Variants in UTP15 observed in about 807,000 individuals in gnomAD.
UTP15 encodes U3 small nucleolar RNA-associated protein 15 homolog.
In UTP15, 5 loss-of-function variants were observed where a neutral mutation model predicts 59.1. The observed-to-expected ratio is 0.08, with a 90% CI of 0.04 to 0.18. The LOEUF (loss-of-function observed/expected upper bound fraction) is 0.18, where lower values mean the gene tolerates loss of function less well. UTP15 is among the 10% of genes least tolerant of loss of function. UTP15 has a pLI of 1.00. For synonymous variants in UTP15, 211 were observed against 212.2 expected, an observed-to-expected ratio of 0.99 and a Z score of 0.05; for missense variants, 494 against 616.7, an observed-to-expected ratio of 0.80 and a Z score of 2.11.
At chr5:73,576,133 C>T (rs1748082861) in intron 7 of UTP15, among the ~76,000 whole-genome samples, 1 of 147,282 alleles carries the variant, frequency 6.8e-6, no homozygotes, top group African/African-American at 2.5e-5. Context: ...GAAACAGAGT[C>T]TTACTCTGTG....
At chr5:73,567,674 A>C (rs1055799837) in intron 2 of UTP15, 12 of 300,234 alleles carry the variant, frequency 4.0e-5, no homozygotes, top group Non-Finnish European at 7.3e-5. Context: ...AATCAATGCC[A>C]AATGAATTAA....
chr5:73,575,448 A>G (rs1161419081), intron 7 of UTP15, among the ~76,000 whole-genome samples: 3 of 152,236 alleles, frequency 2.0e-5, no homozygotes, highest in Non-Finnish European at 1.5e-5. Flanking sequence ...ACATCCTACA[A>G]TGCACAGAAC....
Position 73,583,294 on chromosome 5 carries a change from G to A in UTP15, c.*3200G>A, listed in dbSNP as rs539297621. 2 of 152,290 alleles carry A rather than the reference G, an allele frequency of 1.3e-5. No homozygotes were observed. Among genetic ancestry groups the A allele is most frequent in the East Asian group, 1.9e-4 (1 of 5,186 alleles). 9.4% of individuals were successfully genotyped at this position (152,290 alleles called of 1,614,324 possible). A position where few individuals can be genotyped will look rare whatever the true frequency, so the allele number is the denominator to read the frequency against. On this transcript the variant is annotated 3_prime_UTR_variant, in exon 13 of 13. Coordinates refer to ENST00000296792, the MANE Select transcript of UTP15 (RefSeq NM_032175.4). ...GGAATGCTATGTCTAGGTCATCAGCGGAGAAAGTTGGTTTGTAGAGAATGA... is the reference window on the plus strand; with the variant it reads ...GGAATGCTATGTCTAGGTCATCAGCAGAGAAAGTTGGTTTGTAGAGAATGA...
intron 9 of UTP15, 131 bp from the exon 10 acceptor site, chr5:73,578,620 A>C (rs113141150): frequency 1.6e-5 from 12 of 730,830 alleles, no homozygotes; most frequent in African/African-American, 1.4e-4. Flanking sequence ...TATTTAATCT[A>C]CATTATGGGC....
intron 7 of UTP15, among the ~76,000 whole-genome samples, chr5:73,572,893 G>A (rs540271995): frequency 6.6e-6 from 1 of 152,164 alleles, no homozygotes; most frequent in Non-Finnish European, 1.5e-5. Context: ...CGCCTCCCAG[G>A]TTCAAGTGGT....
chr5:73,572,517 G>T lies in UTP15; in HGVS notation c.702G>T (p.Met234Ile), dbSNP rs1747960982. The T allele has an allele frequency of 6.2e-7, 1 of 1,614,044 alleles. No homozygotes were observed. Among genetic ancestry groups the T allele is most frequent in the Non-Finnish European group, 8.5e-7 (1 of 1,180,022 alleles). The change falls in exon 7 of 13, where the codon ATG becomes ATT. Residue 234 changes from methionine to isoleucine, a missense_variant. By Grantham distance (10) the Met-to-Ile change is conservative. Coordinates refer to ENST00000296792, the MANE Select transcript of UTP15 (RefSeq NM_032175.4). The part of the protein sequence containing the change: ...AGGRYVKVWD[M>I]LKGGQLLVSL... The stretch of plus-strand genomic sequence containing the variant: ...GTCGTTATGTTAAAGTCTGGGACAT[G>T]TTAAAAGGAGGACAATTGCTAGTAT...
intron 2 of UTP15, among the ~76,000 whole-genome samples, chr5:73,567,986 A>G (rs1747830792): frequency 6.6e-6 from 1 of 152,200 alleles, no homozygotes; most frequent in African/African-American, 2.4e-5. Flanking sequence ...GGTAGAAATC[A>G]CAGTAAACTC....
chr5:73,566,033 C>T (rs1452749813), intron 1 of UTP15, 121 bp downstream of exon 1: 1 of 353,242 alleles, frequency 2.8e-6, no homozygotes, highest in East Asian at 7.6e-5. Context: ...ATTCTTTAAC[C>T]GGCTCAAGTT....
intron 9 of UTP15, 48 bp downstream of exon 9, chr5:73,578,053 G>A: frequency 6.4e-7 from 1 of 1,559,550 alleles, no homozygotes; most frequent in Non-Finnish European, 8.6e-7. Context: ...ATTTGTTAGA[G>A]TAGCCAGCTT....
chr5:73,578,121 T>G, intron 9 of UTP15, 116 bp downstream of exon 9: 1 of 1,063,320 alleles, frequency 9.4e-7, no homozygotes, highest in Non-Finnish European at 1.4e-6. Context: ...TGCTTTTCTC[T>G]ACATCAGAAT....
At chr5:73,568,207 T>A in intron 2 of UTP15, 28 bp from the exon 3 acceptor site, 1 of 1,535,726 alleles carries the variant, frequency 6.5e-7, no homozygotes, top group Non-Finnish European at 8.9e-7. Context: ...GTGGTAACTC[T>A]GTTAACACAC....
chr5:73,572,847 G>T (rs1747974405), intron 7 of UTP15, among the ~76,000 whole-genome samples: 1 of 151,960 alleles, frequency 6.6e-6, no homozygotes. Context: ...ACCTAGGCTG[G>T]AGTGCAGTGG....
At chr5:73,576,066 T>C (rs13170047) in intron 7 of UTP15, among the ~76,000 whole-genome samples, 1 of 151,434 alleles carries the variant, frequency 6.6e-6, no homozygotes, top group African/African-American at 2.4e-5. Flanking sequence ...CAGATGACAG[T>C]GGCTCATGGT....
At position 73,567,293 on chromosome 5, in the gene UTP15, A is replaced by C; in HGVS notation, c.-52A>C. The C allele has an allele frequency of 6.3e-6, 8 of 1,278,750 alleles. No individual in the cohort carries two copies. Among genetic ancestry groups the C allele is most frequent in the Non-Finnish European group, 8.8e-6 (8 of 910,770 alleles). 79.2% of individuals were successfully genotyped at this position (1,278,750 alleles called of 1,614,324 possible). A position where few individuals can be genotyped will look rare whatever the true frequency, so the allele number is the denominator to read the frequency against. ...GGCAGAGTCACTGTAATTATTTCTA[A>C]TACCAATTCCAAAATAGTGACTCTT... On this transcript the variant is annotated 5_prime_UTR_variant, in exon 2 of 13. Coordinates refer to ENST00000296792, the MANE Select transcript of UTP15 (RefSeq NM_032175.4).
chr5:73,570,174 T>G (rs1747891307), intron 5 of UTP15, among the ~76,000 whole-genome samples: 1 of 152,200 alleles, frequency 6.6e-6, no homozygotes, highest in Non-Finnish European at 1.5e-5. Flanking sequence ...TTTTGTTGAT[T>G]GTTCATGTCT....
chr5:73,574,108 AG>A (rs1275187244), intron 7 of UTP15, among the ~76,000 whole-genome samples: 3 of 151,996 alleles, frequency 2.0e-5, no homozygotes, highest in Non-Finnish European at 4.4e-5. Context: ...GGATCACTTG[AG>A]GCCAGGAGTT....
At position 73,580,375 on chromosome 5, in the gene UTP15, G is replaced by A. The variant is rs531792578; in HGVS notation, c.*281G>A. On this transcript the variant is annotated 3_prime_UTR_variant, in exon 13 of 13. Transcript: ENST00000296792. Reference sequence around the variant, plus strand: ...GATGGATATTAATTTTAATACAGGAGTGTTCTGTATCAACATTTGGGTTGG... The same window carrying A: ...GATGGATATTAATTTTAATACAGGAATGTTCTGTATCAACATTTGGGTTGG... 12 of 275,336 alleles carry A rather than the reference G, an allele frequency of 4.4e-5. No individual in the cohort carries two copies. The East Asian group carries it at 1.0e-3, about 23-fold the overall frequency. The allele number at this position is 275,336 out of a possible 1,614,324, so 17.1% of individuals were successfully genotyped here.
intron 1 of UTP15, among the ~76,000 whole-genome samples, chr5:73,566,859 A>T (rs1369980653): frequency 6.6e-6 from 1 of 152,230 alleles, no homozygotes; most frequent in East Asian, 1.9e-4. Context: ...CAAATCCGTA[A>T]CTATAATTGT....
Position 73,579,329 on chromosome 5 carries a change from G to A in UTP15, c.1293G>A (p.Gln431=), listed in dbSNP as rs773511964. 1.9e-6 allele frequency: 3 copies of A among 1,609,332 alleles called. No individual in the cohort carries two copies. Among genetic ancestry groups the A allele is most frequent in the Non-Finnish European group, 2.5e-6 (3 of 1,178,472 alleles). Reference sequence around the variant, plus strand: ...TTTTACTTTGTAGGAATCTTTCTCAGCCAAGATTTGCCCCTGTTTTAATCA... The same window carrying A: ...TTTTACTTTGTAGGAATCTTTCTCAACCAAGATTTGCCCCTGTTTTAATCA... ...VLNFLIRNLS[Q]PRFAPVLINA... is the part of the protein sequence containing the mutation. The change falls in exon 12 of 13, where the codon CAG becomes CAA. Residue 431 remains glutamine, a synonymous_variant. Coordinates refer to ENST00000296792, the MANE Select transcript of UTP15 (RefSeq NM_032175.4).
Sources: gnomAD v4.1 joint callset for allele counts (sites outside exome capture counted in the v4.1 genomes callset) on GRCh38, gnomAD v4.1.1 for gene constraint, MANE v1.5 for transcripts, NCBI Gene and HGNC (gene_info 2026-07-23, HGNC 2026-07-21) for gene names.